SNTG1: variants seen among roughly 807,000 people sequenced by gnomAD.
SNTG1 encodes the protein gamma-1-syntrophin.
In SNTG1, 39 loss-of-function variants were observed where a neutral mutation model predicts 74.7. That is an observed-to-expected ratio of 0.52 (90% CI 0.40 to 0.68). The LOEUF (loss-of-function observed/expected upper bound fraction) is 0.68, where lower values mean the gene tolerates loss of function less well. SNTG1 is among the 30% of genes least tolerant of loss of function. The pLI is 0.00. For missense variants in SNTG1, 685 were observed against 609.5 expected (o/e 1.12, Z -1.30); for synonymous variants, 254 against 217.1 (o/e 1.17, Z -1.49).
At chr8:50,057,739 T>C (rs1378457179) in intron 1 of SNTG1, among the ~76,000 whole-genome samples, 1 of 152,104 alleles carries the variant, frequency 6.6e-6, no homozygotes, top group Non-Finnish European at 1.5e-5. Context: ...AACCTGGGAC[T>C]GTGTCCATCC....
At chr8:50,309,878 C>T (rs1014838770) in intron 2 of SNTG1, among the ~76,000 whole-genome samples, 31 of 152,188 alleles carry the variant, frequency 2.0e-4, no homozygotes, top group Admixed American at 1.3e-3. Flanking sequence ...CCGCAAACTC[C>T]ATTGGTCAGT....
rs143719941 is a variant in SNTG1 at position 50,700,250 on chromosome 8, A to G, written c.1039-4350A>G. 5.6e-3 allele frequency among the ~76,000 whole-genome samples: 850 copies of G among 152,310 alleles called. 4 individuals are homozygous for G. Among genetic ancestry groups the G allele is most frequent in the South Asian group, 0.025 (122 of 4,830 alleles). On this transcript the variant is annotated intron_variant, in intron 15 of 18. Transcript: ENST00000642720. ...TATTTAGTTTTTCAGTTAGTTATAT[A>G]TATATTATTACTTGCATATAACTTG...
chr8:49,967,285 A>C (rs1218746251), intron 1 of SNTG1, among the ~76,000 whole-genome samples: 1 of 152,222 alleles, frequency 6.6e-6, no homozygotes, highest in African/African-American at 2.4e-5. Context: ...TCCTCTTAGC[A>C]TGCAGAAAGC....
At chr8:50,724,806 C>T (rs1585643834) in intron 17 of SNTG1, among the ~76,000 whole-genome samples, 1 of 152,072 alleles carries the variant, frequency 6.6e-6, no homozygotes, top group East Asian at 1.9e-4. Flanking sequence ...TAGTAAATAA[C>T]ATAACCAATG....
chr8:50,484,441 A>G (rs2093772616), intron 8 of SNTG1, among the ~76,000 whole-genome samples: 1 of 151,324 alleles, frequency 6.6e-6, no homozygotes, highest in East Asian at 2.0e-4. Flanking sequence ...TCTCAAACTC[A>G]TGACCTCAGA....
intron 2 of SNTG1, among the ~76,000 whole-genome samples, chr8:50,309,809 A>G (rs923000004): frequency 1.3e-5 from 2 of 152,230 alleles, no homozygotes; most frequent in Admixed American, 6.5e-5. Flanking sequence ...GAAGCTAAGA[A>G]TTTTAATACT....
At chr8:50,506,211 G>T (rs2094005220) in intron 9 of SNTG1, among the ~76,000 whole-genome samples, 1 of 152,020 alleles carries the variant, frequency 6.6e-6, no homozygotes, top group African/African-American at 2.4e-5. Context: ...CTATGTGTCT[G>T]CATTAATGCC....
intron 17 of SNTG1, among the ~76,000 whole-genome samples, chr8:50,729,534 C>T (rs1055854788): frequency 6.6e-6 from 1 of 151,592 alleles, no homozygotes; most frequent in African/African-American, 2.4e-5. Context: ...TCTACCTCCC[C>T]TCCAGTGATG....
intron 1 of SNTG1, among the ~76,000 whole-genome samples, chr8:50,035,542 G>C (rs888988163): frequency 6.6e-6 from 1 of 152,128 alleles, no homozygotes; most frequent in Non-Finnish European, 1.5e-5. Flanking sequence ...TATTTTGTGC[G>C]TTGTTAAACT....
intron 3 of SNTG1, among the ~76,000 whole-genome samples, chr8:50,395,467 T>C (rs1403250292): frequency 6.6e-6 from 1 of 151,150 alleles, no homozygotes; most frequent in Admixed American, 6.6e-5. Flanking sequence ...ATTAATGTTC[T>C]AGAAGCTTTG....
intron 12 of SNTG1, among the ~76,000 whole-genome samples, chr8:50,558,327 G>T (rs2094468204): frequency 6.6e-6 from 1 of 152,250 alleles, no homozygotes; most frequent in South Asian, 2.1e-4. Context: ...ACAGCTGTTG[G>T]CTCGCAGAGG....
chr8:50,581,093 G>A (rs1563605940), intron 12 of SNTG1, among the ~76,000 whole-genome samples: 1 of 152,152 alleles, frequency 6.6e-6, no homozygotes, highest in South Asian at 2.1e-4. Flanking sequence ...GAAACAATAG[G>A]TGCATATATA....
At chr8:50,344,006 A>C (rs2957602) in intron 2 of SNTG1, among the ~76,000 whole-genome samples, 105,666 of 151,990 alleles carry the variant, frequency 0.7, 39,105 homozygotes, top group East Asian at 0.98. Context: ...TTTTCTCTTT[A>C]CTGACAGACT....
At chr8:50,653,583 ATTGT>A (rs1338514886) in intron 13 of SNTG1, among the ~76,000 whole-genome samples, 2 of 152,032 alleles carry the variant, frequency 1.3e-5, no homozygotes, top group Non-Finnish European at 2.9e-5. Flanking sequence ...TTGCTTTTGC[ATTGT>A]TTATGAAACA....
At chr8:50,686,584 G>C (rs1344734592) in intron 15 of SNTG1, among the ~76,000 whole-genome samples, 3 of 151,782 alleles carry the variant, frequency 2.0e-5, no homozygotes, top group Admixed American at 6.6e-5. Context: ...TATTTATTTG[G>C]TTTTAAAAAT....
chr8:50,553,104 G>A lies in SNTG1; in HGVS notation c.735G>A (p.Gln245=), dbSNP rs749176717. 1 of 1,613,958 alleles carries A rather than the reference G, an allele frequency of 6.2e-7. No homozygotes were observed. The highest frequency in any genetic ancestry group is 1.1e-5 in the South Asian group (1 of 91,080). The change falls in exon 12 of 19, where the codon CAG becomes CAA. Residue 245 remains glutamine, a synonymous_variant. Coordinates refer to ENST00000642720, the MANE Select transcript of SNTG1 (RefSeq NM_018967.5). ...AVDGVCTGII[Q]CLSAEDCVDW... ...ATGGGGTCTGCACTGGGATTATTCAGTGCCTCTCTGCTGAAGACTGCGTTG... is the reference window on the plus strand; with the variant it reads ...ATGGGGTCTGCACTGGGATTATTCAATGCCTCTCTGCTGAAGACTGCGTTG...
intron 9 of SNTG1, among the ~76,000 whole-genome samples, chr8:50,514,430 A>G (rs2130016220): frequency 6.6e-6 from 1 of 152,198 alleles, no homozygotes; most frequent in East Asian, 1.9e-4. Flanking sequence ...GTTTCATTTT[A>G]ATTTGTTGGA....
At chr8:50,559,820 A>T (rs754940964) in intron 12 of SNTG1, among the ~76,000 whole-genome samples, 3 of 152,226 alleles carry the variant, frequency 2.0e-5, no homozygotes, top group Non-Finnish European at 2.9e-5. Flanking sequence ...ATGGACAAAG[A>T]TTTCATGACA....
At chr8:49,982,263 G>A (rs1362715169) in intron 1 of SNTG1, among the ~76,000 whole-genome samples, 1 of 152,056 alleles carries the variant, frequency 6.6e-6, no homozygotes, top group East Asian at 1.9e-4. Context: ...GTATGCAACT[G>A]CTCAGGTAGT....
Sources: allele counts gnomAD v4.1 joint callset (sites outside exome capture counted in the v4.1 genomes callset), GRCh38; gene constraint gnomAD v4.1.1; transcripts MANE v1.5; gene names NCBI Gene and HGNC (gene_info 2026-07-23, HGNC 2026-07-21).